GNAT2: variants seen among roughly 807,000 people sequenced by gnomAD.
GNAT2 encodes guanine nucleotide-binding protein G(t) subunit alpha-2.
In GNAT2, 32 loss-of-function variants were observed where a neutral mutation model predicts 40.9. The observed-to-expected ratio is 0.78, with a 90% CI of 0.59 to 1.05. The LOEUF (loss-of-function observed/expected upper bound fraction) is 1.05, where lower values mean the gene tolerates loss of function less well. GNAT2 is among the 50% of genes least tolerant of loss of function. The pLI is 0.00. For synonymous variants in GNAT2, 141 were observed against 157.2 expected (o/e 0.90, Z 0.77); for missense variants, 355 against 431.5 (o/e 0.82, Z 1.57).
At chr1:109,609,764 G>A (rs1649733951) in intron 4 of GNAT2, 1 of 456,182 alleles carries the variant, frequency 2.2e-6, no homozygotes, top group African/African-American at 2.0e-5. Flanking sequence ...CATGACCTTG[G>A]GCAGTTAATT....
intron 2 of GNAT2, chr1:109,611,178 ATTT>A (rs55923624): frequency 4.3e-4 from 59 of 136,128 alleles, no homozygotes; most frequent in Non-Finnish European, 5.8e-4. Flanking sequence ...GCCCGACTAC[ATTT>A]TTTTTTTTTT....
At chr1:109,604,318 T>C in intron 7 of GNAT2, 1 of 574,840 alleles carries the variant, frequency 1.7e-6, no homozygotes, top group Non-Finnish European at 3.1e-6. Flanking sequence ...TGGAAAATTA[T>C]TGAGCTTTTT....
chr1:109,603,422 T>C lies in GNAT2; in HGVS notation c.997A>G (p.Lys333Glu). The change falls in exon 9 of 9, where the codon AAA becomes GAA. Residue 333 changes from lysine (K) to glutamate (E), a missense_variant. Transcript: ENST00000679935. Reference protein sequence around the residue: ...MTCATDTQNVKFVFDAVTDII... With the variant: ...MTCATDTQNVEFVFDAVTDII... The stretch of plus-strand genomic sequence containing the variant: ...TCTGTAACTGCATCAAACACAAATT[T>C]GACATTCTGTGTATCTGTAGCACAG... The C allele has an allele frequency of 6.2e-7, 1 of 1,602,480 alleles. No individual in the cohort carries two copies. The highest frequency in any genetic ancestry group is 8.6e-7 in the Non-Finnish European group (1 of 1,169,418).
At chr1:109,610,587 G>C in intron 2 of GNAT2, 80 bp from the exon 3 acceptor site, 1 of 1,153,434 alleles carries the variant, frequency 8.7e-7, no homozygotes, top group Non-Finnish European at 1.3e-6. Flanking sequence ...AGAAGTCAGA[G>C]CCACTGCTTG....
intron 6 of GNAT2, 69 bp downstream of exon 6, chr1:109,606,239 A>T: frequency 6.3e-7 from 1 of 1,587,964 alleles, no homozygotes; most frequent in Non-Finnish European, 8.6e-7. Flanking sequence ...AAGGCCAAGA[A>T]GCCTGCCTGT....
intron 1 of GNAT2, chr1:109,613,236 A>T (rs766988978): frequency 5.1e-5 from 17 of 333,504 alleles, no homozygotes; most frequent in Non-Finnish European, 8.8e-5. Context: ...AGGATGCACG[A>T]CTACTTCCAT....
intron 3 of GNAT2, 88 bp downstream of exon 3, chr1:109,610,377 G>A: frequency 7.3e-7 from 1 of 1,365,732 alleles, no homozygotes; most frequent in South Asian, 1.2e-5. Context: ...GCTCCTTGAG[G>A]CTAAAGAGCC....
At chr1:109,609,843 G>A (rs897712623) in intron 4 of GNAT2, 197 bp downstream of exon 4, 7 of 630,320 alleles carry the variant, frequency 1.1e-5, no homozygotes, top group Middle Eastern at 4.3e-4. Context: ...TCTACCTTAA[G>A]GTCTTACTGC....
At chr1:109,614,144 C>T (rs912050165) in intron 1 of GNAT2, 2 of 152,236 alleles carry the variant, frequency 1.3e-5, no homozygotes, top group Admixed American at 1.3e-4. Context: ...CACCCGGAAG[C>T]TCATTAGACA....
chr1:109,609,784 G>C (rs878941649), intron 4 of GNAT2: 2 of 493,922 alleles, frequency 4.0e-6, no homozygotes, highest in Non-Finnish European at 7.4e-6. Flanking sequence ...TAACTTCTCT[G>C]AACTTCAGTT....
At chr1:109,612,481 T>G in intron 2 of GNAT2, 1 of 445,762 alleles carries the variant, frequency 2.2e-6, no homozygotes, top group Non-Finnish European at 4.2e-6. Context: ...GATTTGGAAA[T>G]GGGTGGGTTC....
intron 4 of GNAT2, 152 bp from the exon 5 acceptor site, chr1:109,608,940 C>T (rs2101127035): frequency 1.4e-6 from 1 of 731,358 alleles, no homozygotes; most frequent in African/African-American, 1.7e-5. Flanking sequence ...AGAAAACATA[C>T]TGTTGAATTT....
At chr1:109,610,896 TC>T in intron 2 of GNAT2, 2 of 316,550 alleles carry the variant, frequency 6.3e-6, no homozygotes, top group Non-Finnish European at 6.1e-6. Flanking sequence ...TCAGGGGGAG[TC>T]CTTTAACATT....
chr1:109,616,906 G>A (rs1052315082), intron 1 of GNAT2: 1 of 152,284 alleles, frequency 6.6e-6, no homozygotes, highest in Non-Finnish European at 1.5e-5. Context: ...ATGGAGTGGA[G>A]GGTTGGGAGG....
In GNAT2 at chr1:109,612,742, A is replaced by G. The variant is rs780494235; in HGVS notation, c.118+11T>C. The G allele has an allele frequency of 6.6e-6, 10 of 1,504,002 alleles. No individual in the cohort carries two copies. The highest frequency in any genetic ancestry group is 8.3e-6 in the Non-Finnish European group (9 of 1,079,670). The allele number at this position is 1,504,002 out of a possible 1,614,324, so 93.2% of individuals were successfully genotyped here. The stretch of plus-strand genomic sequence containing the variant: ...CCTGCCTTCTCTGGCTCATCTTCCC[A>G]TCTCACTCACCCAGCAGTAGCAGCT... On this transcript the variant is annotated intron_variant, in intron 2 of 8. Transcript: ENST00000679935.
intron 4 of GNAT2, 153 bp from the exon 5 acceptor site, chr1:109,608,941 T>C (rs2101127042): frequency 1.4e-6 from 1 of 728,420 alleles, no homozygotes; most frequent in Non-Finnish European, 2.4e-6. Context: ...GAAAACATAC[T>C]GTTGAATTTT....
chr1:109,609,674 A>G (rs1172623312), intron 4 of GNAT2: 1 of 349,630 alleles, frequency 2.9e-6, no homozygotes, highest in African/African-American at 2.1e-5. Flanking sequence ...CCAGGACTGC[A>G]TAATTGTGGT....
intron 6 of GNAT2, 42 bp from the exon 7 acceptor site, chr1:109,606,141 A>G (rs761511634): frequency 1.2e-6 from 2 of 1,611,512 alleles, no homozygotes; most frequent in Non-Finnish European, 1.7e-6. Context: ...TGCCCAACAT[A>G]CGACCTATAT....
intron 1 of GNAT2, among the ~76,000 whole-genome samples, chr1:109,618,758 T>G (rs973092593): frequency 7.2e-5 from 11 of 152,210 alleles, no homozygotes; most frequent in Non-Finnish European, 1.5e-4. Flanking sequence ...GGATTCTGTG[T>G]GAGGTGAAGA....
Sources: allele counts gnomAD v4.1 joint callset (sites outside exome capture counted in the v4.1 genomes callset), GRCh38; gene constraint gnomAD v4.1.1; transcripts MANE v1.5; gene names NCBI Gene and HGNC (gene_info 2026-07-23, HGNC 2026-07-21).